DKK3: variants seen among roughly 807,000 people sequenced by gnomAD.
The protein encoded by DKK3 is dickkopf-related protein 3.
DKK3 carries 22 observed loss-of-function variants against 33.2 expected under a neutral mutation model. That is an observed-to-expected ratio of 0.66 (90% CI 0.47 to 0.95). DKK3 has a LOEUF of 0.95. Ranked by LOEUF, DKK3 falls within the 40% of genes least tolerant of loss-of-function variation. The pLI, the probability that DKK3 is intolerant of heterozygous loss-of-function variation, is 0.00. For missense variants in DKK3, 398 were observed against 458.4 expected (o/e 0.87, Z 1.20); for synonymous variants, 194 against 188.8 (o/e 1.03, Z -0.23).
intron 4 of DKK3, 149 bp from the exon 5 acceptor site, chr11:11,967,247 T>A: frequency 9.5e-7 from 1 of 1,051,874 alleles, no homozygotes. Flanking sequence ...TGAAAGTCAG[T>A]GGGACAGAGG....
chr11:11,981,462 A>G (rs1847952947), intron 3 of DKK3, among the ~76,000 whole-genome samples: 1 of 152,216 alleles, frequency 6.6e-6, no homozygotes, highest in Non-Finnish European at 1.5e-5. Context: ...CAGGAACATA[A>G]TAAACGGTTG....
At chr11:12,005,513 C>A (rs1162267086) in intron 1 of DKK3, among the ~76,000 whole-genome samples, 1 of 152,168 alleles carries the variant, frequency 6.6e-6, no homozygotes, top group Non-Finnish European at 1.5e-5. Context: ...TGATTGGTAG[C>A]ATATAGAATA....
At chr11:11,989,947 G>A in intron 3 of DKK3, among the ~76,000 whole-genome samples, 1 of 152,192 alleles carries the variant, frequency 6.6e-6, no homozygotes, top group East Asian at 1.9e-4. Context: ...ATCGTGTGAA[G>A]GAATGCAAGT....
chr11:11,983,695 A>G (rs1848004944), intron 3 of DKK3, among the ~76,000 whole-genome samples: 2 of 152,204 alleles, frequency 1.3e-5, no homozygotes. Context: ...GGGCAGCAGG[A>G]GTCAGTGCAG....
At chr11:11,983,981 G>A (rs1378878849) in intron 3 of DKK3, among the ~76,000 whole-genome samples, 1 of 152,198 alleles carries the variant, frequency 6.6e-6, no homozygotes, top group Non-Finnish European at 1.5e-5. Context: ...CAATGGTGGG[G>A]ATGTCACTCC....
chr11:11,998,461 G>A (rs1590549200), intron 3 of DKK3: 1 of 598,166 alleles, frequency 1.7e-6, no homozygotes, highest in East Asian at 2.8e-5. Context: ...CCATGCAAAT[G>A]ACCACTCAAT....
Position 11,963,155 on chromosome 11 carries a change from A to G in DKK3, c.*1309T>C, listed in dbSNP as rs984457118. 3.3e-5 allele frequency: 5 copies of G among 152,692 alleles called. No homozygotes were observed. The highest frequency in any genetic ancestry group is 7.3e-5 in the Non-Finnish European group (5 of 68,048). The allele number at this position is 152,692 out of a possible 1,614,324, so 9.5% of individuals were successfully genotyped here. On this transcript the variant is annotated 3_prime_UTR_variant, in exon 7 of 7. Coordinates refer to ENST00000683431, the MANE Select transcript of DKK3 (RefSeq NM_001018057.2). ...ATTTCTAAATGCAACTTATGTTTATACATAATTTAAAACTCAAAGAAAGCA... is the reference window on the plus strand; with the variant it reads ...ATTTCTAAATGCAACTTATGTTTATGCATAATTTAAAACTCAAAGAAAGCA...
chr11:12,008,629 T>C, upstream of DKK3: 2 of 1,332,962 alleles, frequency 1.5e-6, no homozygotes, highest in Non-Finnish European at 1.9e-6. The surrounding 1 kb of genome is among the most constrained non-coding windows in gnomAD (Gnocchi z 4.6). Context: ...CGGAACGCGA[T>C]CAGAGGCGCG....
intron 3 of DKK3, among the ~76,000 whole-genome samples, chr11:11,971,480 T>G (rs1386649095): frequency 6.6e-6 from 1 of 152,190 alleles, no homozygotes; most frequent in Non-Finnish European, 1.5e-5. Flanking sequence ...ATGTGTTGAG[T>G]GGGTGAAAGC....
intron 3 of DKK3, among the ~76,000 whole-genome samples, chr11:11,986,391 C>A (rs1407461330): frequency 6.6e-6 from 1 of 152,174 alleles, no homozygotes; most frequent in African/African-American, 2.4e-5. Context: ...AAGTCTGACA[C>A]CCCATCAGTG....
At chr11:11,986,358 G>C (rs1206257074) in intron 3 of DKK3, among the ~76,000 whole-genome samples, 1 of 152,158 alleles carries the variant, frequency 6.6e-6, no homozygotes, top group African/African-American at 2.4e-5. Context: ...TACTGGTTTA[G>C]AATGTTCCTT....
At chr11:11,998,855 G>C in intron 2 of DKK3, 76 bp from the exon 3 acceptor site, 1 of 1,421,280 alleles carries the variant, frequency 7.0e-7, no homozygotes, top group Non-Finnish European at 9.9e-7. Context: ...TTTGTGTTTT[G>C]TTTTCCATTT....
intron 3 of DKK3, among the ~76,000 whole-genome samples, chr11:11,993,771 A>G (rs572362671): frequency 6.6e-6 from 1 of 152,344 alleles, no homozygotes; most frequent in African/African-American, 2.4e-5. Context: ...TGGTTGTCAG[A>G]CTATGGAACT....
chr11:11,964,479 T>G lies in DKK3; in HGVS notation c.1038A>C (p.Gly346=), dbSNP rs374044808. 1.2e-6 allele frequency: 2 copies of G among 1,612,272 alleles called. No individual in the cohort carries two copies. Among genetic ancestry groups the G allele is most frequent in the Admixed American group, 1.7e-5 (1 of 60,008 alleles). The stretch of plus-strand genomic sequence containing the variant: ...TGGTCCAGATCTAAATCTCTTCCCC[T>G]CCCAGCAGTGCAGCGGCGGCAGCCG... ...EPAAAAAALL[G]GEEI is the part of the protein sequence containing the mutation. Residue 346 remains glycine, a synonymous_variant, in exon 7 of 7, where the codon GGA becomes GGC. Transcript: ENST00000683431.
chr11:11,990,712 T>C (rs1417419467), intron 3 of DKK3, among the ~76,000 whole-genome samples: 2 of 152,248 alleles, frequency 1.3e-5, no homozygotes, highest in Non-Finnish European at 2.9e-5. Flanking sequence ...TCTCCAGCTC[T>C]GGCATTCTAA....
chr11:11,975,400 T>G (rs1279398668), intron 3 of DKK3, among the ~76,000 whole-genome samples: 1 of 152,186 alleles, frequency 6.6e-6, no homozygotes, highest in Non-Finnish European at 1.5e-5. Flanking sequence ...CCGTACACAT[T>G]CTAGTCACTG....
At chr11:11,997,551 T>C (rs951639101) in intron 3 of DKK3, among the ~76,000 whole-genome samples, 2 of 152,214 alleles carry the variant, frequency 1.3e-5, no homozygotes, top group Non-Finnish European at 2.9e-5. Context: ...TGGACATTGT[T>C]ACCTCACTTG....
chr11:12,003,617 G>A (rs1433794040), intron 1 of DKK3, among the ~76,000 whole-genome samples: 1 of 152,076 alleles, frequency 6.6e-6, no homozygotes, highest in Non-Finnish European at 1.5e-5. Context: ...CCACATCATA[G>A]ACTAATTGAG....
intron 1 of DKK3, among the ~76,000 whole-genome samples, chr11:12,005,886 G>A (rs879349151): frequency 3.9e-5 from 6 of 152,152 alleles, no homozygotes; most frequent in Non-Finnish European, 8.8e-5. Flanking sequence ...ATATCTAAAA[G>A]ATACTTTTAG....
Sources: gnomAD v4.1 joint callset for allele counts (sites outside exome capture counted in the v4.1 genomes callset) on GRCh38, gnomAD v4.1.1 for gene constraint, Gnocchi (gnomAD v3.1) non-coding constraint, MANE v1.5 for transcripts, NCBI Gene and HGNC (gene_info 2026-07-23, HGNC 2026-07-21) for gene names.